THSD4: variants seen among roughly 807,000 people sequenced by gnomAD.
THSD4 encodes thrombospondin type 1 domain containing 4.
Under a neutral mutation model 119.0 loss-of-function variants are expected in THSD4, and 69 were observed. The observed-to-expected ratio is 0.58, with a 90% CI of 0.48 to 0.71. The LOEUF (loss-of-function observed/expected upper bound fraction) is 0.71. Among genes scored for constraint, THSD4 ranks in the 30% least tolerant of loss-of-function variants. THSD4 has a pLI of 0.00. For missense variants in THSD4, 1,393 were observed against 1,391.1 expected (o/e 1.00, Z -0.02); for synonymous variants, 524 against 540.4 (o/e 0.97, Z 0.42).
chr15:71,619,235 G>A (rs2050376891), intron 7 of THSD4, among the ~76,000 whole-genome samples: 1 of 152,166 alleles, frequency 6.6e-6, no homozygotes, highest in South Asian at 2.1e-4. Flanking sequence ...GCCTCCCAAA[G>A]TGCTGGGATT....
chr15:71,675,587 G>A (rs983102517), intron 8 of THSD4, among the ~76,000 whole-genome samples: 2 of 152,138 alleles, frequency 1.3e-5, no homozygotes, highest in Admixed American at 6.5e-5. Flanking sequence ...AGCCCCTCTT[G>A]ATCATGAGAC....
At chr15:71,747,495 C>G (rs188143770) in intron 13 of THSD4, among the ~76,000 whole-genome samples, 2 of 152,196 alleles carry the variant, frequency 1.3e-5, no homozygotes, top group African/African-American at 4.8e-5. Flanking sequence ...CCCAAGAAGA[C>G]ACACGAACAA....
In THSD4 at chr15:71,315,879, G is replaced by T. The variant is rs1465486353; in HGVS notation, c.1015+59164G>T. ...GTATTTCACCAACACAAAAAAAATT[G>T]TCCTTCTATATTCTTAGTAGTAGAA... is the stretch of plus-strand genomic sequence containing the variant. On this transcript the variant is annotated intron_variant, in intron 6 of 17. Transcript: ENST00000261862. Among the ~76,000 whole-genome samples, 3 of 152,154 alleles carry T rather than the reference G, an allele frequency of 2.0e-5. No homozygotes were observed. In the East Asian group the frequency reaches 5.8e-4, roughly 29 times the overall value.
intron 8 of THSD4, among the ~76,000 whole-genome samples, chr15:71,719,000 G>A (rs1300477214): frequency 1.3e-5 from 2 of 152,024 alleles, no homozygotes; most frequent in African/African-American, 4.8e-5. Context: ...ACCATAGGTG[G>A]GATCAATTTC....
chr15:71,395,914 G>GAGAGACACACACACACACAC (rs535919434), intron 6 of THSD4, among the ~76,000 whole-genome samples: 1 of 133,296 alleles, frequency 7.5e-6, no homozygotes, highest in African/African-American at 2.9e-5. Context: ...TTTGAAGAGA[G>GAGAGACACACACACACACAC]ACACACACAC....
intron 6 of THSD4, among the ~76,000 whole-genome samples, chr15:71,272,294 G>T (rs567475481): frequency 1.3e-5 from 2 of 149,296 alleles, no homozygotes; most frequent in African/African-American, 4.9e-5. Flanking sequence ...CCAGCTACTC[G>T]GGAGGCCAAA....
chr15:71,338,747 CT>C (rs749965574), intron 6 of THSD4, among the ~76,000 whole-genome samples: 41 of 152,094 alleles, frequency 2.7e-4, no homozygotes, highest in Non-Finnish European at 5.3e-4. Context: ...GCAACAGACA[CT>C]TGGTGGGAGG....
At chr15:71,550,824 G>A (rs1381747230) in intron 7 of THSD4, among the ~76,000 whole-genome samples, 6 of 152,178 alleles carry the variant, frequency 3.9e-5, no homozygotes, top group Admixed American at 3.9e-4. Context: ...TTTTCATGGT[G>A]ATGAAAGTGT....
intron 7 of THSD4, among the ~76,000 whole-genome samples, chr15:71,582,598 G>A (rs770221993): frequency 7.2e-5 from 11 of 152,106 alleles, no homozygotes; most frequent in Non-Finnish European, 1.6e-4. Context: ...TCACTATTGA[G>A]TATGGCTTTA....
chr15:71,327,964 G>C (rs2045368841), intron 6 of THSD4, among the ~76,000 whole-genome samples: 2 of 152,184 alleles, frequency 1.3e-5, no homozygotes, highest in Non-Finnish European at 2.9e-5. Context: ...CTGTAGCAAT[G>C]ATGGCCTCTT....
At chr15:71,143,694 TTC>T (rs1567137082) in intron 2 of THSD4, among the ~76,000 whole-genome samples, 41 of 142,180 alleles carry the variant, frequency 2.9e-4, no homozygotes, top group African/African-American at 1.2e-3. Flanking sequence ...TCTTTTTTTT[TTC>T]TTTCTTTTTT....
At chr15:71,186,028 T>A (rs1352188383) in intron 3 of THSD4, 1 of 152,228 alleles carries the variant, frequency 6.6e-6, no homozygotes, top group Non-Finnish European at 1.5e-5. Flanking sequence ...TATTTTTTAA[T>A]CCTGGCAACA....
At chr15:71,616,918 C>T (rs1284904116) in intron 7 of THSD4, among the ~76,000 whole-genome samples, 1 of 152,214 alleles carries the variant, frequency 6.6e-6, no homozygotes, top group Admixed American at 6.5e-5. Context: ...GCTTCATTTA[C>T]ACTGTTTTCT....
chr15:71,202,997 C>G (rs1237739339), intron 3 of THSD4, among the ~76,000 whole-genome samples: 1 of 152,090 alleles, frequency 6.6e-6, no homozygotes, highest in African/African-American at 2.4e-5. Flanking sequence ...TAGCTGTGTA[C>G]AAAGATAATG....
At chr15:71,394,513 C>T (rs971438002) in intron 6 of THSD4, among the ~76,000 whole-genome samples, 4 of 152,126 alleles carry the variant, frequency 2.6e-5, no homozygotes, top group Admixed American at 6.5e-5. Context: ...CTTGGTGATC[C>T]ACCCGCCTCA....
rs1432453728 is a variant in THSD4, at chr15:71,218,514, G to T, written c.464+3115G>T. ...TTTTTTTCTTCAAATGTATTGACGG[G>T]GGCCAGTTAAACTGTTTACTATGAA... On this transcript the variant is annotated intron_variant, in intron 4 of 17. Transcript: ENST00000261862. Among the ~76,000 whole-genome samples, 3 of 152,154 alleles carry T rather than the reference G, an allele frequency of 2.0e-5. No individual in the cohort carries two copies. The East Asian group carries it at 5.8e-4, about 29-fold the overall frequency.
chr15:71,108,656 C>A (rs147813543), intron 1 of THSD4, among the ~76,000 whole-genome samples: 4 of 152,272 alleles, frequency 2.6e-5, no homozygotes, highest in African/African-American at 9.6e-5. Flanking sequence ...TGAATGTCTG[C>A]AACTCATTTT....
At chr15:71,558,805 A>G (rs886511426) in intron 7 of THSD4, among the ~76,000 whole-genome samples, 2 of 152,028 alleles carry the variant, frequency 1.3e-5, no homozygotes, top group East Asian at 1.9e-4. Flanking sequence ...TTTCATTATG[A>G]TATTTTCTCT....
chr15:71,272,837 C>G lies in THSD4; in HGVS notation c.1015+16122C>G, dbSNP rs147916639. ...CAAGATCATGCCATTGCACTCCAGC[C>G]TGGGTGATAGAATGAGACTCTGTCT... On this transcript the variant is annotated intron_variant, in intron 6 of 17. Coordinates refer to ENST00000261862, the MANE Select transcript of THSD4 (RefSeq NM_024817.3). Among the ~76,000 whole-genome samples the G allele has an allele frequency of 3.0e-3, 461 of 151,684 alleles. 3 individuals are homozygous for G. The highest frequency in any genetic ancestry group is 0.011 in the African/African-American group (438 of 41,298).
Sources: allele counts gnomAD v4.1 joint callset (sites outside exome capture counted in the v4.1 genomes callset), GRCh38; gene constraint gnomAD v4.1.1; transcripts MANE v1.5; gene names NCBI Gene and HGNC (gene_info 2026-07-23, HGNC 2026-07-21).